Variants in SDCCAG8 observed in about 807,000 individuals in gnomAD.
The protein encoded by SDCCAG8 is serologically defined colon cancer antigen 8.
In SDCCAG8, 74 loss-of-function variants were observed where a neutral mutation model predicts 101.8. That is an observed-to-expected ratio of 0.73 (90% CI 0.60 to 0.88). The LOEUF is 0.88. Ranked by LOEUF, SDCCAG8 falls within the 40% of genes least tolerant of loss-of-function variation. The pLI, the probability that SDCCAG8 is intolerant of heterozygous loss-of-function variation, is 0.00. For synonymous variants in SDCCAG8, 281 were observed against 292.9 expected (o/e 0.96, Z 0.41); for missense variants, 787 against 822.6 (o/e 0.96, Z 0.53).
chr1:243,493,440 A>G (rs900090052), intron 17 of SDCCAG8, among the ~76,000 whole-genome samples: 19 of 152,148 alleles, frequency 1.2e-4, no homozygotes, highest in African/African-American at 4.6e-4. Flanking sequence ...GTCCACTTAG[A>G]GGATGGTCTC....
At chr1:243,394,271 G>C (rs1043280285) in intron 13 of SDCCAG8, among the ~76,000 whole-genome samples, 4 of 152,180 alleles carry the variant, frequency 2.6e-5, no homozygotes, top group African/African-American at 9.7e-5. Context: ...AGCAGTTTCT[G>C]CAATAAATCT....
chr1:243,310,252 C>G (rs1272392772), intron 8 of SDCCAG8, among the ~76,000 whole-genome samples: 1 of 151,980 alleles, frequency 6.6e-6, no homozygotes, highest in Non-Finnish European at 1.5e-5. Context: ...TTCATATAGT[C>G]TCAATATAAC....
intron 5 of SDCCAG8, among the ~76,000 whole-genome samples, chr1:243,288,508 C>T (rs1398557311): frequency 6.6e-6 from 1 of 151,940 alleles, no homozygotes; most frequent in Non-Finnish European, 1.5e-5. Context: ...TTCAATAATA[C>T]ATGCATGGTG....
chr1:243,427,147 T>C lies in SDCCAG8; in HGVS notation c.1985+589T>C, dbSNP rs541037284. ...ATCAAATATAATATGGCAAAGCACATGGCTCATAAAGGCCACCCACTAAAT... is the reference window on the plus strand; with the variant it reads ...ATCAAATATAATATGGCAAAGCACACGGCTCATAAAGGCCACCCACTAAAT... On this transcript the variant is annotated intron_variant, in intron 16 of 17. Coordinates refer to ENST00000366541, the MANE Select transcript of SDCCAG8 (RefSeq NM_006642.5). 1.2e-4 allele frequency among the ~76,000 whole-genome samples: 19 copies of C among 152,334 alleles called. No homozygotes were observed. The South Asian group carries it at 3.9e-3, about 32-fold the overall frequency.
At chr1:243,385,284 G>T (rs907200589) in intron 13 of SDCCAG8, among the ~76,000 whole-genome samples, 1 of 152,150 alleles carries the variant, frequency 6.6e-6, no homozygotes, top group African/African-American at 2.4e-5. Context: ...CAGCTGCTCT[G>T]GAGGCTGAGG....
intron 12 of SDCCAG8, among the ~76,000 whole-genome samples, chr1:243,371,102 A>G (rs988379909): frequency 1.3e-5 from 2 of 152,164 alleles, no homozygotes; most frequent in Non-Finnish European, 2.9e-5. Flanking sequence ...GGCTTTGCAC[A>G]TTGAGATCCT....
At chr1:243,448,272 A>C (rs1039819052) in intron 16 of SDCCAG8, among the ~76,000 whole-genome samples, 4 of 152,162 alleles carry the variant, frequency 2.6e-5, no homozygotes, top group East Asian at 1.9e-4. Context: ...GTAGCAAACA[A>C]GGAGAGTAAA....
At chr1:243,378,597 A>G (rs1410817412) in intron 12 of SDCCAG8, 124 bp from the exon 13 acceptor site, 19 of 1,021,064 alleles carry the variant, frequency 1.9e-5, no homozygotes, top group Non-Finnish European at 2.8e-5. Context: ...AATGGAAGCT[A>G]GCCTAAATTT....
intron 9 of SDCCAG8, 35 bp downstream of exon 9, chr1:243,316,928 C>CT (rs559121131): frequency 5.5e-3 from 7,967 of 1,453,134 alleles, no homozygotes; most frequent in Non-Finnish European, 6.1e-3. Context: ...AAGTGTCTTT[C>CT]TTTTTTTTTT....
chr1:243,386,426 G>T (rs1041522342), intron 13 of SDCCAG8, among the ~76,000 whole-genome samples: 1 of 152,130 alleles, frequency 6.6e-6, no homozygotes, highest in Non-Finnish European at 1.5e-5. Context: ...TTCCGGCCGG[G>T]CGCGGTGGCT....
chr1:243,327,388 AT>A (rs533055881), intron 9 of SDCCAG8, among the ~76,000 whole-genome samples: 2,611 of 71,878 alleles, frequency 0.036, 494 homozygotes, highest in African/African-American at 0.041. Flanking sequence ...TAAAATTATA[AT>A]TTATAATTTT....
In SDCCAG8 at chr1:243,474,428, C is replaced by T. The variant is rs1360566561; in HGVS notation, c.1986-14586C>T. ...GCCCTCCAGGTGCGGGCTCCAGGCC[C>T]TCTCGCGCGGCTTCGGGACTCGGCC... On this transcript the variant is annotated intron_variant, in intron 16 of 17. Transcript: ENST00000366541. This position sits in a 1 kb window ranked among gnomAD's most constrained non-coding sequence, Gnocchi z 4.7. 6.6e-6 allele frequency among the ~76,000 whole-genome samples: 1 copy of T among 152,206 alleles called. No individual in the cohort carries two copies. Among genetic ancestry groups the T allele is most frequent in the Non-Finnish European group, 1.5e-5 (1 of 68,022 alleles).
chr1:243,308,346 G>A lies in SDCCAG8; in HGVS notation c.929+169G>A, dbSNP rs548063545. Among the ~76,000 whole-genome samples, 23 of 152,312 alleles carry A rather than the reference G, an allele frequency of 1.5e-4. No individual in the cohort carries two copies. In the Middle Eastern group the frequency reaches 0.01, roughly 68 times the overall value. On this transcript the variant is annotated intron_variant, in intron 8 of 17. Transcript: ENST00000366541. ...CATTATAGCTTCCTTGAAGACAAATGGGTGGGTTCTGCCATGTCACCATGT... is the reference window on the plus strand; with the variant it reads ...CATTATAGCTTCCTTGAAGACAAATAGGTGGGTTCTGCCATGTCACCATGT...
chr1:243,322,371 T>C (rs1485756341), intron 9 of SDCCAG8, among the ~76,000 whole-genome samples: 1 of 152,202 alleles, frequency 6.6e-6, no homozygotes, highest in African/African-American at 2.4e-5. Flanking sequence ...AAACCTCTCA[T>C]GTACCCCAGA....
At chr1:243,372,399 A>G (rs1225533150) in intron 12 of SDCCAG8, among the ~76,000 whole-genome samples, 2 of 152,140 alleles carry the variant, frequency 1.3e-5, no homozygotes, top group Non-Finnish European at 2.9e-5. Context: ...TACTAGCAGG[A>G]ATAAATCACT....
chr1:243,293,513 A>G (rs376675981), intron 6 of SDCCAG8: 1 of 538,132 alleles, frequency 1.9e-6, no homozygotes, highest in South Asian at 1.5e-5. Flanking sequence ...AAATTTGCCT[A>G]TTTCAGATAC....
chr1:243,399,798 T>A (rs1028148725), intron 13 of SDCCAG8, among the ~76,000 whole-genome samples: 1 of 152,130 alleles, frequency 6.6e-6, no homozygotes, highest in Admixed American at 6.6e-5. Flanking sequence ...GCATGAGCCA[T>A]GGCACTCAGC....
intron 16 of SDCCAG8, among the ~76,000 whole-genome samples, chr1:243,482,484 C>T (rs1002123655): frequency 7.9e-5 from 12 of 152,212 alleles, no homozygotes; most frequent in African/African-American, 2.9e-4. Context: ...GCCCGTGCTG[C>T]CCATTCTACC....
intron 16 of SDCCAG8, among the ~76,000 whole-genome samples, chr1:243,435,845 T>C (rs1291269975): frequency 1.3e-5 from 2 of 152,030 alleles, no homozygotes; most frequent in Non-Finnish European, 2.9e-5. Flanking sequence ...TTTACAATCG[T>C]ATTTTCAGCA....
Sources: gnomAD v4.1 joint callset for allele counts (sites outside exome capture counted in the v4.1 genomes callset) on GRCh38, gnomAD v4.1.1 for gene constraint, Gnocchi (gnomAD v3.1) non-coding constraint, MANE v1.5 for transcripts, NCBI Gene and HGNC (gene_info 2026-07-23, HGNC 2026-07-21) for gene names.